IRF2BP1: variants seen among roughly 807,000 people sequenced by gnomAD.
IRF2BP1 encodes interferon regulatory factor 2-binding protein 1.
A neutral mutation model predicts 38.6 loss-of-function variants in IRF2BP1; 9 were observed. That is an observed-to-expected ratio of 0.23 (90% CI 0.14 to 0.41). The LOEUF is 0.41. Among genes scored for constraint, IRF2BP1 ranks in the 10% least tolerant of loss-of-function variants. The probability of loss-of-function intolerance (pLI) is 1.00; values close to 1 mark genes in which losing one functional copy is unlikely to be tolerated. For synonymous variants in IRF2BP1, 416 were observed against 383.4 expected (o/e 1.08, Z -0.99); for missense variants, 631 against 829.6 (o/e 0.76, Z 2.94).
In IRF2BP1 at chr19:45,885,735, G is replaced by A. The variant is rs773087309; in HGVS notation, c.40C>T (p.Leu14=). The change falls in exon 1 of 1, where the codon CTG becomes TTG. Residue 14 remains leucine, a synonymous_variant. Coordinates refer to ENST00000302165, the MANE Select transcript of IRF2BP1 (RefSeq NM_015649.3). ...VQASRRQWCY[L]CDLPKMPWAM... Reference sequence around the variant, plus strand: ...CACGGCATCTTGGGCAGGTCGCACAGGTAGCACCACTGGCGGCGGGACGCC... The same window carrying A: ...CACGGCATCTTGGGCAGGTCGCACAAGTAGCACCACTGGCGGCGGGACGCC... 7 of 1,582,108 alleles carry A rather than the reference G, an allele frequency of 4.4e-6. No individual in the cohort carries two copies. The highest frequency in any genetic ancestry group is 1.1e-5 in the South Asian group (1 of 89,746).
At position 45,884,236 on chromosome 19, in the gene IRF2BP1, G is replaced by C; in HGVS notation, c.1539C>G (p.Thr513=). 6.2e-7 allele frequency: 1 copy of C among 1,610,316 alleles called. No individual in the cohort carries two copies. The highest frequency in any genetic ancestry group is 8.5e-7 in the Non-Finnish European group (1 of 1,178,462). Residue 513 remains threonine (T), a synonymous_variant, in exon 1 of 1, where the codon ACC becomes ACG. Transcript: ENST00000302165. ...GCACCGAGGGGCACTGGACGAAGTG[G>C]GTGTCTTCTAGCCGCTCCCTGCACA... is the stretch of plus-strand genomic sequence containing the variant. ...CTLCRERLED[T]HFVQCPSVPG... is the part of the protein sequence containing the mutation.
In IRF2BP1 at chr19:45,885,548, G is replaced by C. The variant is rs1008245011; in HGVS notation, c.227C>G (p.Ala76Gly). ...GGCTGCCGCCGCCAGGTCCTTGGTGGCCGGGTGCTTAAGGGCCGGGGGCCC... is the reference window on the plus strand; with the variant it reads ...GGCTGCCGCCGCCAGGTCCTTGGTGCCCGGGTGCTTAAGGGCCGGGGGCCC... ...SPGPPALKHP[A>G]TKDLAAAAAQ... Residue 76 changes from alanine to glycine, a missense_variant, in exon 1 of 1, where the codon GCC (alanine) becomes GGC (glycine). Ala to Gly is a moderately conservative substitution (Grantham distance 60, BLOSUM62 0). Around this residue, in one of 5 missense-constraint regions of IRF2BP1, gnomAD observed 206 missense variants for 207.0 expected, o/e 1.00. Coordinates refer to ENST00000302165, the MANE Select transcript of IRF2BP1 (RefSeq NM_015649.3). The C allele has an allele frequency of 8.3e-6, 12 of 1,441,914 alleles. No individual in the cohort carries two copies. Among genetic ancestry groups the C allele is most frequent in the Non-Finnish European group, 1.1e-5 (12 of 1,103,570 alleles). 89.3% of individuals were successfully genotyped at this position (1,441,914 alleles called of 1,614,324 possible). A position where few individuals can be genotyped will look rare whatever the true frequency, so the allele number is the denominator to read the frequency against.
rs761785409 is a variant in IRF2BP1, at chr19:45,885,415, G to A, written c.360C>T (p.Arg120=). 2.9e-5 allele frequency: 46 copies of A among 1,583,146 alleles called. No homozygotes were observed. The highest frequency in any genetic ancestry group is 3.9e-5 in the Non-Finnish European group (45 of 1,165,530). ...DRYDRATSSG[R]LPLPSPALEY... is the part of the protein sequence containing the mutation. Reference sequence around the variant, plus strand: ...CCAGGGCGGGCGAGGGCAGGGGGAGGCGGCCTGATGATGTGGCCCTGTCAT... The same window carrying A: ...CCAGGGCGGGCGAGGGCAGGGGGAGACGGCCTGATGATGTGGCCCTGTCAT... Residue 120 remains arginine, a synonymous_variant, in exon 1 of 1, where the codon CGC becomes CGT. Transcript: ENST00000302165.
chr19:45,886,129 C>A lies in IRF2BP1; in HGVS notation c.-355G>T. On this transcript the variant is annotated 5_prime_UTR_variant, in exon 1 of 1. The change creates a new upstream start codon in the 5' untranslated region. Transcript: ENST00000302165. ...CTGCAACGGCCGCCGCCGCCTCCACCTCCTTCTTCTGCCCCAGAGGCCGCT... is the reference window on the plus strand; with the variant it reads ...CTGCAACGGCCGCCGCCGCCTCCACATCCTTCTTCTGCCCCAGAGGCCGCT... 1 of 189,580 alleles carries A rather than the reference C, an allele frequency of 5.3e-6. No individual in the cohort carries two copies. The highest frequency in any genetic ancestry group is 1.1e-5 in the Non-Finnish European group (1 of 92,622). The allele number at this position is 189,580 out of a possible 1,614,324, so 11.7% of individuals were successfully genotyped here.
Position 45,885,370 on chromosome 19 carries a change from G to A in IRF2BP1, c.405C>T (p.Arg135=). The part of the protein sequence containing the change: ...SPALEYTLGS[R]LANGLGREEA... ...CCTCACGGCCCAGCCCATTGGCCAG[G>A]CGGGACCCCAGAGTGTACTCCAGGG... is the stretch of plus-strand genomic sequence containing the variant. The change falls in exon 1 of 1, where the codon CGC becomes CGT. Residue 135 remains arginine (R), a synonymous_variant. Coordinates refer to ENST00000302165, the MANE Select transcript of IRF2BP1 (RefSeq NM_015649.3). The A allele has an allele frequency of 1.9e-6, 3 of 1,608,954 alleles. No homozygotes were observed. Among genetic ancestry groups the A allele is most frequent in the Non-Finnish European group, 2.5e-6 (3 of 1,179,426 alleles).
Position 45,883,814 on chromosome 19 carries a change from G to A in IRF2BP1, c.*206C>T. The A allele has an allele frequency of 2.0e-6, 1 of 489,318 alleles. No individual in the cohort carries two copies. Among genetic ancestry groups the A allele is most frequent in the South Asian group, 3.8e-5 (1 of 26,046 alleles). The allele number at this position is 489,318 out of a possible 1,614,324, so 30.3% of individuals were successfully genotyped here. A position where few individuals can be genotyped will look rare whatever the true frequency, so the allele number is the denominator to read the frequency against. On this transcript the variant is annotated 3_prime_UTR_variant, in exon 1 of 1. Transcript: ENST00000302165. Reference sequence around the variant, plus strand: ...CAGAGGGAAACTGGAGGGGCCAAGGGACCCCAAACACCCCCTCGGACAGGA... The same window carrying A: ...CAGAGGGAAACTGGAGGGGCCAAGGAACCCCAAACACCCCCTCGGACAGGA...
Position 45,885,257 on chromosome 19 carries a change from C to A in IRF2BP1, c.518G>T (p.Gly173Val). The A allele has an allele frequency of 6.2e-7, 1 of 1,603,310 alleles. No individual in the cohort carries two copies. ...CAGCGTCAGGCCTCGGCTTCCCAGG[C>A]CAGACACTGCAGCTGCCAGCAGCCC... ...PPGLLAAAVS[G>V]LGSRGLTLAP... Residue 173 changes from glycine (G) to valine (V), a missense_variant, in exon 1 of 1, where the codon GGC (glycine) becomes GTC (valine). Gly to Val is a moderately radical substitution (Grantham distance 109). Transcript: ENST00000302165.
rs950192282 is a variant in IRF2BP1 at position 45,886,002 on chromosome 19, G to A, written c.-228C>T. The A allele has an allele frequency of 2.1e-6, 1 of 468,824 alleles. No homozygotes were observed. The highest frequency in any genetic ancestry group is 4.2e-5 in the South Asian group (1 of 23,648). 29.0% of individuals were successfully genotyped at this position (468,824 alleles called of 1,614,324 possible). Reference sequence around the variant, plus strand: ...CGAAGGCAGGCTGAGGCACGTCGGCGCCCCCGCCCGGTCCGGGCTCCGAGC... The same window carrying A: ...CGAAGGCAGGCTGAGGCACGTCGGCACCCCCGCCCGGTCCGGGCTCCGAGC... On this transcript the variant is annotated 5_prime_UTR_variant, in exon 1 of 1. Transcript: ENST00000302165.
Position 45,884,910 on chromosome 19 carries a change from C to T in IRF2BP1, c.865G>A (p.Val289Ile), listed in dbSNP as rs534551889. ...AACATCTGGCGAGCCACTGCCAGGA[C>T]GCCGGCGTACACATTGCCGGAACCA... The part of the protein sequence containing the change: ...PCGSGNVYAG[V>I]LAVARQMFHD... Residue 289 changes from valine (V) to isoleucine (I), a missense_variant, in exon 1 of 1, where the codon GTC becomes ATC. Coordinates refer to ENST00000302165, the MANE Select transcript of IRF2BP1 (RefSeq NM_015649.3). 5 of 1,613,288 alleles carry T rather than the reference C, an allele frequency of 3.1e-6. No individual in the cohort carries two copies. The South Asian group carries it at 4.4e-5, about 14-fold the overall frequency.
chr19:45,885,961 A>G lies in IRF2BP1; in HGVS notation c.-187T>C. On this transcript the variant is annotated 5_prime_UTR_variant, in exon 1 of 1. Coordinates refer to ENST00000302165, the MANE Select transcript of IRF2BP1 (RefSeq NM_015649.3). ...CCCTGGGCCCTAAGCCTTTCTGCTC[A>G]CTCCCGCCTCCCTCGCGAAGGCAGG... 1 of 612,820 alleles carries G rather than the reference A, an allele frequency of 1.6e-6. No homozygotes were observed. The highest frequency in any genetic ancestry group is 2.5e-6 in the Non-Finnish European group (1 of 403,122). The allele number at this position is 612,820 out of a possible 1,614,324, so 38.0% of individuals were successfully genotyped here.
In IRF2BP1 at chr19:45,884,141, T is replaced by C; in HGVS notation, c.1634A>G (p.Tyr545Cys). The C allele has an allele frequency of 6.2e-7, 1 of 1,613,240 alleles. No homozygotes were observed. Among genetic ancestry groups the C allele is most frequent in the Non-Finnish European group, 8.5e-7 (1 of 1,179,884 alleles). Reference sequence around the variant, plus strand: ...CGGGCACTTGTCTCCGCTCGGGCAGTACACCTCCCCGGCCGGGCCCTGCGC... The same window carrying C: ...CGGGCACTTGTCTCCGCTCGGGCAGCACACCTCCCCGGCCGGGCCCTGCGC... Reference protein sequence around the residue: ...IKAQGPAGEVYCPSGDKCPLV... With the variant: ...IKAQGPAGEVCCPSGDKCPLV... The change falls in exon 1 of 1, where the codon TAC becomes TGC. Residue 545 changes from tyrosine to cysteine, a missense_variant. Physicochemically the swap from Tyr to Cys is radical, Grantham distance 194 (BLOSUM62 -2). Coordinates refer to ENST00000302165, the MANE Select transcript of IRF2BP1 (RefSeq NM_015649.3).
In IRF2BP1 at chr19:45,883,875, A is replaced by G; in HGVS notation, c.*145T>C. ...TTCTCCCCCCACCCACAATGCATCT[A>G]CCCCAGGGGACCCATCTGGGTGGAA... On this transcript the variant is annotated 3_prime_UTR_variant, in exon 1 of 1. Transcript: ENST00000302165. 1 of 729,956 alleles carries G rather than the reference A, an allele frequency of 1.4e-6. No homozygotes were observed. The highest frequency in any genetic ancestry group is 2.1e-6 in the Non-Finnish European group (1 of 474,904). 45.2% of individuals were successfully genotyped at this position (729,956 alleles called of 1,614,324 possible). A position where few individuals can be genotyped will look rare whatever the true frequency, so the allele number is the denominator to read the frequency against.
In IRF2BP1 at chr19:45,885,091, T is replaced by C. The variant is rs1226981394; in HGVS notation, c.684A>G (p.Ala228=). The C allele has an allele frequency of 6.2e-7, 1 of 1,612,264 alleles. No individual in the cohort carries two copies. Among genetic ancestry groups the C allele is most frequent in the East Asian group, 2.2e-5 (1 of 44,892 alleles). The part of the protein sequence containing the change: ...RAEEWHGRPK[A]VREQLLALSA... ...ACAGCGCCAGTAGCTGTTCCCGCAC[T>C]GCTTTGGGGCGCCCGTGCCATTCCT... Residue 228 remains alanine (A), a synonymous_variant, in exon 1 of 1, where the codon GCA becomes GCG. Transcript: ENST00000302165.
Position 45,884,661 on chromosome 19 carries a change from G to A in IRF2BP1, c.1114C>T (p.Arg372Trp), listed in dbSNP as rs1389841666. ...LCGPPPRAPSRNLAPTPRRRK... is the reference protein window; with the variant it reads ...LCGPPPRAPSWNLAPTPRRRK... ...CGGCGCGGCGTGGGCGCCAGGTTCC[G>A]GGATGGGGCTCGCGGGGGTGGGCCA... is the stretch of plus-strand genomic sequence containing the variant. Residue 372 changes from arginine (R) to tryptophan (W), a missense_variant, in exon 1 of 1, where the codon CGG becomes TGG. This residue lies in a region of IRF2BP1 where 201 missense variants were observed against 215.3 expected (regional missense o/e 0.93). Coordinates refer to ENST00000302165, the MANE Select transcript of IRF2BP1 (RefSeq NM_015649.3). 15 of 1,602,440 alleles carry A rather than the reference G, an allele frequency of 9.4e-6. No homozygotes were observed. The highest frequency in any genetic ancestry group is 1.7e-5 in the Admixed American group (1 of 59,684).
In IRF2BP1 at chr19:45,885,700, C is replaced by T; in HGVS notation, c.75G>A (p.Val25=). ...CDLPKMPWAM[V]WDFSEAVCRG... is the part of the protein sequence containing the mutation. ...GACACACGGCCTCGCTGAAGTCCCACACCATGGCCCACGGCATCTTGGGCA... is the reference window on the plus strand; with the variant it reads ...GACACACGGCCTCGCTGAAGTCCCATACCATGGCCCACGGCATCTTGGGCA... Residue 25 remains valine, a synonymous_variant, in exon 1 of 1, where the codon GTG becomes GTA. Coordinates refer to ENST00000302165, the MANE Select transcript of IRF2BP1 (RefSeq NM_015649.3). 1 of 1,585,248 alleles carries T rather than the reference C, an allele frequency of 6.3e-7. No homozygotes were observed.
Position 45,884,312 on chromosome 19 carries a change from C to A in IRF2BP1, c.1463G>T (p.Gly488Val). 6.2e-7 allele frequency: 1 copy of A among 1,610,544 alleles called. No homozygotes were observed. The highest frequency in any genetic ancestry group is 8.5e-7 in the Non-Finnish European group (1 of 1,179,246). Residue 488 changes from glycine (G) to valine (V), a missense_variant, in exon 1 of 1, where the codon GGG (glycine) becomes GTG (valine). Around this residue, in one of 5 missense-constraint regions of IRF2BP1, gnomAD observed 201 missense variants for 215.3 expected, o/e 0.93. Coordinates refer to ENST00000302165, the MANE Select transcript of IRF2BP1 (RefSeq NM_015649.3). ...GGTCGCCCCAGTGCCGCTGCCACCC[C>A]CGCTGACAGCTTCGGCCCCCGCTGT... is the stretch of plus-strand genomic sequence containing the variant. Reference protein sequence around the residue: ...SPTAGAEAVSGGGSGTGATPG... With the variant: ...SPTAGAEAVSVGGSGTGATPG...
Position 45,885,718 on chromosome 19 carries a change from C to T in IRF2BP1, c.57G>A (p.Lys19=), listed in dbSNP as rs1424181868. 1 of 1,585,254 alleles carries T rather than the reference C, an allele frequency of 6.3e-7. No individual in the cohort carries two copies. Among genetic ancestry groups the T allele is most frequent in the Non-Finnish European group, 8.5e-7 (1 of 1,174,258 alleles). Residue 19 remains lysine, a synonymous_variant, in exon 1 of 1, where the codon AAG becomes AAA. Coordinates refer to ENST00000302165, the MANE Select transcript of IRF2BP1 (RefSeq NM_015649.3). ...RQWCYLCDLP[K]MPWAMVWDFS... ...AGTCCCACACCATGGCCCACGGCAT[C>T]TTGGGCAGGTCGCACAGGTAGCACC...
chr19:45,885,469 G>A lies in IRF2BP1; in HGVS notation c.306C>T (p.Thr102=), dbSNP rs778234443. The A allele has an allele frequency of 2.2e-5, 33 of 1,481,560 alleles. No homozygotes were observed. The East Asian group carries it at 6.7e-4, about 30-fold the overall frequency. 91.8% of individuals were successfully genotyped at this position (1,481,560 alleles called of 1,614,324 possible). A position where few individuals can be genotyped will look rare whatever the true frequency, so the allele number is the denominator to read the frequency against. ...GGTCCTGGCCCGACACGCCGCCGCCGGTCCCTGACGGCTGGGGCTGGGCCT... is the reference window on the plus strand; with the variant it reads ...GGTCCTGGCCCGACACGCCGCCGCCAGTCCCTGACGGCTGGGGCTGGGCCT... ...PPQAQPQPSG[T]GGGVSGQDRY... Residue 102 remains threonine (T), a synonymous_variant, in exon 1 of 1, where the codon ACC becomes ACT. Transcript: ENST00000302165.
In IRF2BP1 at chr19:45,886,024, G is replaced by C; in HGVS notation, c.-250C>G. On this transcript the variant is annotated 5_prime_UTR_variant, in exon 1 of 1. Coordinates refer to ENST00000302165, the MANE Select transcript of IRF2BP1 (RefSeq NM_015649.3). ...GGCGCCCCCGCCCGGTCCGGGCTCC[G>C]AGCCGAGGCGCACAGCTCGGGCCCC... 2.4e-6 allele frequency: 1 copy of C among 410,502 alleles called. No individual in the cohort carries two copies. The highest frequency in any genetic ancestry group is 4.3e-6 in the Non-Finnish European group (1 of 234,590). The allele number at this position is 410,502 out of a possible 1,614,324, so 25.4% of individuals were successfully genotyped here.
Sources: gnomAD v4.1 joint callset for allele counts on GRCh38, gnomAD v4.1.1 for gene constraint, gnomAD v4.1.1 regional missense constraint, MANE v1.5 for transcripts, NCBI Gene and HGNC (gene_info 2026-07-23, HGNC 2026-07-21) for gene names.